Variants in NSUN4 observed in about 807,000 individuals in gnomAD.
The protein encoded by NSUN4 is 5-cytosine rRNA methyltransferase NSUN4.
In NSUN4, 31 loss-of-function variants were observed where a neutral mutation model predicts 43.8. The ratio of observed to expected loss-of-function variants is 0.71; its 90% CI spans 0.53 to 0.96. NSUN4 has a LOEUF of 0.96. Ranked by LOEUF, NSUN4 falls within the 40% of genes least tolerant of loss-of-function variation. The pLI is 0.00. For missense variants in NSUN4, 439 were observed against 475.6 expected (o/e 0.92, Z 0.72); for synonymous variants, 167 against 184.1 (o/e 0.91, Z 0.75).
At chr1:46,342,752 A>G (rs1317999368) in intron 1 of NSUN4, 3 of 396,386 alleles carry the variant, frequency 7.6e-6, no homozygotes, top group East Asian at 7.2e-5. Flanking sequence ...TTTCCCCCCA[A>G]CCGAAGTCCC....
chr1:46,341,001 G>C, intron 1 of NSUN4, 82 bp downstream of exon 1: 2 of 1,332,468 alleles, frequency 1.5e-6, no homozygotes, highest in East Asian at 2.5e-5. Context: ...CCTCTAGAAC[G>C]CCTAGCGTCT....
At chr1:46,350,668 A>G (rs1475390) in intron 3 of NSUN4, among the ~76,000 whole-genome samples, 34,123 of 152,226 alleles carry the variant, frequency 0.22, 4,294 homozygotes, top group Non-Finnish European at 0.29. Flanking sequence ...TAGAAAACCT[A>G]ACTAATTGGC....
chr1:46,345,924 C>T (rs925672629), intron 2 of NSUN4, among the ~76,000 whole-genome samples: 9 of 151,644 alleles, frequency 5.9e-5, no homozygotes, highest in South Asian at 2.1e-4. Context: ...CTGAGGCGGG[C>T]GGATTGCCTG....
chr1:46,367,167 ACAACT>A (rs1357466724), downstream of NSUN4, among the ~76,000 whole-genome samples: 1 of 152,124 alleles, frequency 6.6e-6, no homozygotes, highest in Non-Finnish European at 1.5e-5. Context: ...GACCCCAGTA[ACAACT>A]CAAATCACCA....
At chr1:46,356,778 T>C (rs1192938443) in intron 4 of NSUN4, among the ~76,000 whole-genome samples, 2 of 152,130 alleles carry the variant, frequency 1.3e-5, no homozygotes, top group Non-Finnish European at 2.9e-5. Context: ...GCTCCACTTG[T>C]CCATCAGCTG....
At chr1:46,370,964 C>T in the NSUN4 span, 1 of 152,522 alleles carries the variant, frequency 6.6e-6, no homozygotes, top group African/African-American at 2.4e-5. Context: ...AAGCATTAGT[C>T]ATGCCTCAAA....
chr1:46,375,177 C>G, the NSUN4 span, among the ~76,000 whole-genome samples: 46 of 150,924 alleles, frequency 3.0e-4, no homozygotes, highest in African/African-American at 9.3e-4. Context: ...GGCTCATGCC[C>G]GTAATCCCAA....
At chr1:46,373,734 G>C in the NSUN4 span, among the ~76,000 whole-genome samples, 1 of 152,136 alleles carries the variant, frequency 6.6e-6, no homozygotes, top group Non-Finnish European at 1.5e-5. Flanking sequence ...ATCCACTCAC[G>C]AAGGCAGACT....
chr1:46,350,168 G>A (rs1662874122), intron 3 of NSUN4, among the ~76,000 whole-genome samples: 1 of 152,122 alleles, frequency 6.6e-6, no homozygotes, highest in Non-Finnish European at 1.5e-5. Flanking sequence ...CTTTTTCTCA[G>A]TTCATATCCT....
intron 3 of NSUN4, among the ~76,000 whole-genome samples, chr1:46,349,797 C>A (rs902206314): frequency 6.6e-6 from 1 of 152,176 alleles, no homozygotes; most frequent in African/African-American, 2.4e-5. Flanking sequence ...AGCCTGTGTG[C>A]TGGACAATTC....
the NSUN4 span, among the ~76,000 whole-genome samples, chr1:46,377,907 A>G: frequency 6.6e-6 from 1 of 152,190 alleles, no homozygotes; most frequent in African/African-American, 2.4e-5. Flanking sequence ...TTTCATGTGT[A>G]TCCAAAGAAG....
intron 2 of NSUN4, among the ~76,000 whole-genome samples, chr1:46,346,310 G>A (rs1182186190): frequency 6.6e-6 from 1 of 152,006 alleles, no homozygotes; most frequent in African/African-American, 2.4e-5. Context: ...AGCACTTTGG[G>A]AGGCCGAGGC....
At chr1:46,382,813 G>C in the NSUN4 span, among the ~76,000 whole-genome samples, 1 of 152,154 alleles carries the variant, frequency 6.6e-6, no homozygotes, top group Non-Finnish European at 1.5e-5. Context: ...TGTTGGTCAG[G>C]CTGGTCTCGA....
At chr1:46,378,579 TTGTC>T in the NSUN4 span, among the ~76,000 whole-genome samples, 1 of 152,224 alleles carries the variant, frequency 6.6e-6, no homozygotes, top group African/African-American at 2.4e-5. Flanking sequence ...AAGTGACTGG[TTGTC>T]TGTAAGGCCT....
the NSUN4 span, among the ~76,000 whole-genome samples, chr1:46,381,975 T>C: frequency 6.6e-6 from 1 of 152,232 alleles, no homozygotes; most frequent in Non-Finnish European, 1.5e-5. Flanking sequence ...ATTTGGGACC[T>C]TGCTTAACAT....
At position 46,345,311 on chromosome 1, in the gene NSUN4, T is replaced by C; in HGVS notation, c.437+167T>C. ...GAGGTGCTGTACATATGTTATCTCT[T>C]TTTGTTCTGTCAGCAGCCTTATGAA... On this transcript the variant is annotated intron_variant, in intron 2 of 5. Coordinates refer to ENST00000474844, the MANE Select transcript of NSUN4 (RefSeq NM_199044.4). The C allele has an allele frequency of 8.8e-6, 5 of 566,294 alleles. No homozygotes were observed. The Middle Eastern group carries it at 2.3e-3, about 261-fold the overall frequency. 35.1% of individuals were successfully genotyped at this position (566,294 alleles called of 1,614,324 possible).
At chr1:46,352,271 G>A (rs1003821137) in intron 3 of NSUN4, among the ~76,000 whole-genome samples, 6 of 151,950 alleles carry the variant, frequency 3.9e-5, no homozygotes, top group African/African-American at 1.4e-4. Flanking sequence ...GGCCAACATG[G>A]TGAAATGCTG....
At chr1:46,384,115 G>T in the NSUN4 span, among the ~76,000 whole-genome samples, 1 of 152,188 alleles carries the variant, frequency 6.6e-6, no homozygotes, top group African/African-American at 2.4e-5. Flanking sequence ...GGGCAGAGCA[G>T]GTAATTGGAA....
At chr1:46,355,107 A>G (rs944323782) in intron 4 of NSUN4, among the ~76,000 whole-genome samples, 8 of 152,084 alleles carry the variant, frequency 5.3e-5, no homozygotes, top group Admixed American at 3.3e-4. Flanking sequence ...CTGAACTTCA[A>G]CCTCTTCGTT....
Sources: gnomAD v4.1 joint callset for allele counts (sites outside exome capture counted in the v4.1 genomes callset) on GRCh38, gnomAD v4.1.1 for gene constraint, MANE v1.5 for transcripts, NCBI Gene and HGNC (gene_info 2026-07-23, HGNC 2026-07-21) for gene names.